Variants in NEDD4L observed in about 807,000 individuals in gnomAD.
NEDD4L encodes NEDD4 like E3 ubiquitin protein ligase.
A neutral mutation model predicts 148.9 loss-of-function variants in NEDD4L; 54 were observed. That is an observed-to-expected ratio of 0.36 (90% CI 0.29 to 0.45). NEDD4L has a LOEUF of 0.45. Among genes scored for constraint, NEDD4L ranks in the 20% least tolerant of loss-of-function variants. The pLI is 1.00. For missense variants in NEDD4L, 856 were observed against 1,233.8 expected, an observed-to-expected ratio of 0.69 and a Z score of 4.59; for synonymous variants, 433 against 440.7, an observed-to-expected ratio of 0.98 and a Z score of 0.22.
At chr18:58,385,199 TCTCCATGTTGTC>T (rs1302116078) in intron 25 of NEDD4L, among the ~76,000 whole-genome samples, 1 of 152,218 alleles carries the variant, frequency 6.6e-6, no homozygotes, top group African/African-American at 2.4e-5. Context: ...TTTTCCCTTT[TCTCCATGTTGTC>T]ACATTTTAAA....
At chr18:58,336,576 CAA>C (rs879442756) in intron 13 of NEDD4L, among the ~76,000 whole-genome samples, 2 of 131,874 alleles carry the variant, frequency 1.5e-5, no homozygotes. Flanking sequence ...GACTCCATCT[CAA>C]AAAAAAAAAA....
intron 24 of NEDD4L, among the ~76,000 whole-genome samples, chr18:58,379,119 C>T (rs546432619): frequency 2.6e-5 from 4 of 152,322 alleles, no homozygotes; most frequent in Admixed American, 6.5e-5. Context: ...GCGGGGTGTG[C>T]GTTTCGTGGC....
At chr18:58,357,790 C>T (rs1183729545) in intron 19 of NEDD4L, among the ~76,000 whole-genome samples, 1 of 152,150 alleles carries the variant, frequency 6.6e-6, no homozygotes, top group Non-Finnish European at 1.5e-5. Context: ...AGAATCAATT[C>T]TGATGCAGGC....
intron 1 of NEDD4L, among the ~76,000 whole-genome samples, chr18:58,098,613 A>G (rs2084570410): frequency 6.6e-6 from 1 of 152,122 alleles, no homozygotes; most frequent in Admixed American, 6.5e-5. Context: ...TCATGGTGTT[A>G]TTGAGCTGTA....
At chr18:58,355,818 T>TA (rs1763836052) in intron 18 of NEDD4L, among the ~76,000 whole-genome samples, 1 of 149,988 alleles carries the variant, frequency 6.7e-6, no homozygotes, top group Non-Finnish European at 1.5e-5. Context: ...TTTTTTTTTT[T>TA]AGCTTTTCCT....
At chr18:58,291,099 CAG>C (rs1187107023) in intron 5 of NEDD4L, among the ~76,000 whole-genome samples, 1 of 151,312 alleles carries the variant, frequency 6.6e-6, no homozygotes, top group African/African-American at 2.4e-5. Context: ...CATGGTCACA[CAG>C]AGAACCAGGC....
At chr18:58,104,017 A>G (rs191626165) in intron 1 of NEDD4L, among the ~76,000 whole-genome samples, 8 of 152,364 alleles carry the variant, frequency 5.3e-5, no homozygotes, top group Admixed American at 2.6e-4. Context: ...ACTGTTCACA[A>G]TAGTGGAAAG....
chr18:58,328,584 T>A (rs2059517614), intron 9 of NEDD4L, among the ~76,000 whole-genome samples: 1 of 152,186 alleles, frequency 6.6e-6, no homozygotes, highest in South Asian at 2.1e-4. Flanking sequence ...AGTAGCTGCC[T>A]TGTCATTGCT....
Position 58,256,016 on chromosome 18 carries a change from G to A in NEDD4L, c.297+3962G>A. The stretch of plus-strand genomic sequence containing the variant: ...TCCATGCGCAACGCCCGACCCCAGG[G>A]ACCAGGCCTCCGCCACTGCCACCAC... On this transcript the variant is annotated intron_variant, in intron 5 of 30. Transcript: ENST00000400345. The surrounding 1 kb of genome is among the most constrained non-coding windows in gnomAD (Gnocchi z 5.2). The A allele has an allele frequency of 8.1e-7, 1 of 1,230,276 alleles. No homozygotes were observed. The highest frequency in any genetic ancestry group is 4.1e-5 in the South Asian group (1 of 24,310). The allele number at this position is 1,230,276 out of a possible 1,614,324, so 76.2% of individuals were successfully genotyped here. A position where few individuals can be genotyped will look rare whatever the true frequency, so the allele number is the denominator to read the frequency against.
intron 1 of NEDD4L, chr18:58,091,532 G>A: frequency 6.6e-6 from 1 of 152,422 alleles, no homozygotes; most frequent in South Asian, 2.1e-4. Context: ...ACCAGTACCT[G>A]CTCCCTTCAC....
chr18:58,121,273 T>C (rs1430352398), intron 1 of NEDD4L, among the ~76,000 whole-genome samples: 1 of 152,186 alleles, frequency 6.6e-6, no homozygotes, highest in Non-Finnish European at 1.5e-5. Context: ...TTGGCCCCTG[T>C]TGGAGCAAAT....
At chr18:58,324,276 G>A (rs2059113054) in intron 8 of NEDD4L, among the ~76,000 whole-genome samples, 1 of 152,212 alleles carries the variant, frequency 6.6e-6, no homozygotes, top group Non-Finnish European at 1.5e-5. Context: ...AGTGATTTTA[G>A]CAGAGGATGT....
At chr18:58,200,432 G>A (rs187863867) in intron 2 of NEDD4L, among the ~76,000 whole-genome samples, 346 of 152,280 alleles carry the variant, frequency 2.3e-3, no homozygotes, top group Non-Finnish European at 3.7e-3. Flanking sequence ...CCTCAGGGAG[G>A]CTGGTGCCAT....
intron 1 of NEDD4L, among the ~76,000 whole-genome samples, chr18:58,162,723 T>A (rs2036372487): frequency 6.6e-6 from 1 of 151,768 alleles, no homozygotes; most frequent in Non-Finnish European, 1.5e-5. Context: ...ACTTGTGGAA[T>A]AAAGAAATGT....
At chr18:58,152,785 C>T (rs2034942579) in intron 1 of NEDD4L, among the ~76,000 whole-genome samples, 1 of 152,194 alleles carries the variant, frequency 6.6e-6, no homozygotes, top group Non-Finnish European at 1.5e-5. Flanking sequence ...CCTACCAAGA[C>T]TTCCAAAAAA....
intron 5 of NEDD4L, among the ~76,000 whole-genome samples, chr18:58,285,767 T>C (rs1017913727): frequency 6.6e-6 from 1 of 152,182 alleles, no homozygotes; most frequent in Non-Finnish European, 1.5e-5. Flanking sequence ...ATGCTTTTGA[T>C]CAACCTATTT....
chr18:58,266,317 C>T (rs2050213802), intron 5 of NEDD4L, among the ~76,000 whole-genome samples: 1 of 151,644 alleles, frequency 6.6e-6, no homozygotes, highest in African/African-American at 2.4e-5. Flanking sequence ...ACCTTAGAAG[C>T]AGAAAAGGAA....
chr18:58,098,862 T>G (rs1046590756), intron 1 of NEDD4L, among the ~76,000 whole-genome samples: 1 of 152,200 alleles, frequency 6.6e-6, no homozygotes, highest in Non-Finnish European at 1.5e-5. Context: ...AGCACCAGTT[T>G]CCCAATGTGT....
rs145874175 is a variant in NEDD4L, at chr18:58,294,735, G to C, written c.298-21247G>C. 3.6e-3 allele frequency among the ~76,000 whole-genome samples: 548 copies of C among 151,716 alleles called. 4 individuals are homozygous for C. The highest frequency in any genetic ancestry group is 0.01 in the Middle Eastern group (3 of 294). On this transcript the variant is annotated intron_variant, in intron 5 of 30. Transcript: ENST00000400345. ...GGGTCTTGCTATGTTGCCCAGGCTG[G>C]TCTTGAACTCCCGGGCCTCAGGCAA... is the stretch of plus-strand genomic sequence containing the variant.
Sources: gnomAD v4.1 joint callset for allele counts (sites outside exome capture counted in the v4.1 genomes callset) on GRCh38, gnomAD v4.1.1 for gene constraint, Gnocchi (gnomAD v3.1) non-coding constraint, MANE v1.5 for transcripts, NCBI Gene and HGNC (gene_info 2026-07-23, HGNC 2026-07-21) for gene names.